GSE1: variants seen among roughly 807,000 people sequenced by gnomAD.
GSE1 encodes genetic suppressor element 1.
In GSE1, 32 loss-of-function variants were observed where a neutral mutation model predicts 112.6. The ratio of observed to expected loss-of-function variants is 0.28; its 90% CI spans 0.21 to 0.38. The LOEUF (loss-of-function observed/expected upper bound fraction) is 0.38. Among genes scored for constraint, GSE1 ranks in the 10% least tolerant of loss-of-function variants. The pLI is 1.00. For missense variants in GSE1, 2,348 were observed against 1,699.2 expected (o/e 1.38, Z -6.71); for synonymous variants, 1,115 against 735.6 (o/e 1.52, Z -8.35).
chr16:85,507,511 ACT>A (rs2051578988), intron 2 of GSE1, among the ~76,000 whole-genome samples: 1 of 152,184 alleles, frequency 6.6e-6, no homozygotes. Flanking sequence ...AAAATGCCAC[ACT>A]CTGGCTTGAA....
At chr16:85,598,339 A>G (rs1305273511) in intron 1 of GSE1, among the ~76,000 whole-genome samples, 1 of 152,060 alleles carries the variant, frequency 6.6e-6, no homozygotes, top group Non-Finnish European at 1.5e-5. Flanking sequence ...GCTGCCCACG[A>G]GAGCCGGTCC....
chr16:85,611,630 G>A (rs2047990197), upstream of GSE1: 1 of 340,588 alleles, frequency 2.9e-6, no homozygotes, highest in Non-Finnish European at 4.2e-6. Flanking sequence ...GCCGGCCCGC[G>A]TGCGCCCCCA....
Position 85,663,366 on chromosome 16 carries a change from T to C in GSE1, c.2396T>C (p.Phe799Ser). 1 of 1,613,892 alleles carries C rather than the reference T, an allele frequency of 6.2e-7. No homozygotes were observed. Among genetic ancestry groups the C allele is most frequent in the Non-Finnish European group, 8.5e-7 (1 of 1,180,008 alleles). ...SSEKLEFLQL[F>S]GLTTQQQKEE... ...TAGAAGCTAGAGTTTTTGCAACTTT[T>C]TGGCTTGACCACCCAACAGCAGAAG... Residue 799 changes from phenylalanine to serine, a missense_variant, in exon 11 of 16, where the codon TTT (phenylalanine) becomes TCT (serine). By Grantham distance (155) the Phe-to-Ser change is radical (BLOSUM62 -2). Coordinates refer to ENST00000253458, the MANE Select transcript of GSE1 (RefSeq NM_014615.5).
intron 1 of GSE1, among the ~76,000 whole-genome samples, chr16:85,256,541 C>CT (rs1907101534): frequency 6.6e-6 from 1 of 152,244 alleles, no homozygotes; most frequent in Non-Finnish European, 1.5e-5. Context: ...CGTTCCTTGG[C>CT]GAAGCTCCCA....
At chr16:85,493,205 C>T (rs2051065315) in intron 2 of GSE1, among the ~76,000 whole-genome samples, 1 of 152,192 alleles carries the variant, frequency 6.6e-6, no homozygotes, top group Non-Finnish European at 1.5e-5. Flanking sequence ...GTTTAAGACT[C>T]TGTATTAGCT....
chr16:85,606,377 C>T (rs982685688), intron 1 of GSE1, among the ~76,000 whole-genome samples: 1 of 152,266 alleles, frequency 6.6e-6, no homozygotes, highest in Non-Finnish European at 1.5e-5. Flanking sequence ...GCTCCACAAC[C>T]TCATCCGTGC....
intron 2 of GSE1, among the ~76,000 whole-genome samples, chr16:85,511,238 C>G (rs921303874): frequency 5.9e-5 from 9 of 152,296 alleles, no homozygotes; most frequent in East Asian, 1.9e-4. Flanking sequence ...AATGCCTCCC[C>G]CCTCCAGGCT....
intron 2 of GSE1, among the ~76,000 whole-genome samples, chr16:85,483,171 C>G (rs1474416426): frequency 6.6e-6 from 1 of 152,184 alleles, no homozygotes; most frequent in Non-Finnish European, 1.5e-5. Flanking sequence ...ACACTTGGGT[C>G]CCATCCCCAA....
rs574869142 is a variant in GSE1 at position 85,382,927 on chromosome 16, C to T, written c.2464+25284C>T. Among the ~76,000 whole-genome samples the T allele has an allele frequency of 6.3e-3, 961 of 151,636 alleles. 7 individuals are homozygous for T. Among genetic ancestry groups the T allele is most frequent in the African/African-American group, 0.022 (915 of 41,330 alleles). ...ACTTGTGCACACATACATGCACACA[C>T]GCGCACACAACACGTACACATGCAC... On this transcript the variant is annotated intron_variant, in intron 2 of 2. Coordinates refer to the GSE1 transcript ENST00000637419.
chr16:85,298,365 C>T (rs762667096), intron 1 of GSE1, among the ~76,000 whole-genome samples: 5 of 152,168 alleles, frequency 3.3e-5, no homozygotes, highest in African/African-American at 7.2e-5. Context: ...CTGAGTCACC[C>T]GCTGAGCAGG....
At chr16:85,209,042 T>G (rs1037307582) in intron 1 of GSE1, among the ~76,000 whole-genome samples, 1 of 151,544 alleles carries the variant, frequency 6.6e-6, no homozygotes, top group African/African-American at 2.4e-5. Context: ...GTGTTGGGGT[T>G]TGCCACTTGT....
At chr16:85,325,506 C>G (rs2046207598) in intron 1 of GSE1, among the ~76,000 whole-genome samples, 1 of 152,024 alleles carries the variant, frequency 6.6e-6, no homozygotes, top group Non-Finnish European at 1.5e-5. Context: ...GGCTGGAGTG[C>G]AGTGACACGA....
At chr16:85,609,014 C>T (rs968871488), upstream of GSE1, among the ~76,000 whole-genome samples, 1 of 152,206 alleles carries the variant, frequency 6.6e-6, no homozygotes, top group African/African-American at 2.4e-5. Context: ...GGGATCCATC[C>T]TCCGCCAGGG....
intron 1 of GSE1, among the ~76,000 whole-genome samples, chr16:85,286,266 G>A (rs933627383): frequency 3.9e-5 from 6 of 152,252 alleles, no homozygotes; most frequent in Non-Finnish European, 1.5e-5. Context: ...GTCGGCCCAC[G>A]GGCTGGCAGA....
intron 2 of GSE1, among the ~76,000 whole-genome samples, chr16:85,428,497 G>A (rs900202129): frequency 3.3e-5 from 5 of 152,224 alleles, no homozygotes; most frequent in African/African-American, 7.2e-5. Flanking sequence ...CCTGCCTCAC[G>A]GGGTGCTGAG....
At chr16:85,444,815 C>T (rs1230414593) in intron 2 of GSE1, among the ~76,000 whole-genome samples, 1 of 152,194 alleles carries the variant, frequency 6.6e-6, no homozygotes, top group East Asian at 1.9e-4. Flanking sequence ...CCCTCTCCTC[C>T]GCCCCCTCCA....
chr16:85,183,140 C>A (rs757718590), intron 1 of GSE1, among the ~76,000 whole-genome samples: 1 of 152,136 alleles, frequency 6.6e-6, no homozygotes, highest in East Asian at 1.9e-4. Flanking sequence ...CCGCCACATT[C>A]GCACTCATAC....
At chr16:85,185,156 C>T (rs2074674067) in intron 1 of GSE1, 1 of 152,204 alleles carries the variant, frequency 6.6e-6, no homozygotes, top group African/African-American at 2.4e-5. Context: ...GCAGCTCCTC[C>T]ATCTCTGGCA....
intron 2 of GSE1, among the ~76,000 whole-genome samples, chr16:85,514,722 C>G (rs550401318): frequency 2.0e-5 from 3 of 152,150 alleles, no homozygotes; most frequent in African/African-American, 7.2e-5. Flanking sequence ...GATCACACGT[C>G]CAGGCCCCGA....
Sources: allele counts gnomAD v4.1 joint callset (sites outside exome capture counted in the v4.1 genomes callset), GRCh38; gene constraint gnomAD v4.1.1; transcripts MANE v1.5; gene names NCBI Gene and HGNC (gene_info 2026-07-23, HGNC 2026-07-21).